GUCY1A2: variants seen among roughly 807,000 people sequenced by gnomAD.
GUCY1A2 encodes the protein guanylate cyclase soluble subunit alpha-2.
A neutral mutation model predicts 63.5 loss-of-function variants in GUCY1A2; 27 were observed. The observed-to-expected ratio is 0.43, with a 90% confidence interval of 0.31 to 0.59. GUCY1A2 has a LOEUF of 0.59. Ranked by LOEUF, GUCY1A2 falls within the 20% of genes least tolerant of loss-of-function variation. GUCY1A2 has a pLI of 0.11. For missense variants in GUCY1A2, 768 were observed against 913.3 expected, an observed-to-expected ratio of 0.84 and a Z score of 2.05; for synonymous variants, 364 against 343.5, an observed-to-expected ratio of 1.06 and a Z score of -0.66.
intron 6 of GUCY1A2, among the ~76,000 whole-genome samples, chr11:106,755,978 G>A (rs1190862450): frequency 1.3e-5 from 2 of 152,192 alleles, no homozygotes; most frequent in South Asian, 2.1e-4. Flanking sequence ...ATGTGTGGGA[G>A]TCTAAGTCTC....
rs955496404 is a variant in GUCY1A2, at chr11:106,827,688, T to A, written c.1207-17210A>T. 22 of 1,549,368 alleles carry A rather than the reference T, an allele frequency of 1.4e-5. No homozygotes were observed. The Admixed American group carries it at 1.5e-4, about 11-fold the overall frequency. On this transcript the variant is annotated intron_variant, in intron 4 of 7. Coordinates refer to ENST00000526355, the MANE Select transcript of GUCY1A2 (RefSeq NM_000855.3). ...GCGTTTTTCTAACATGGTACTTGAT[T>A]GTTCTTCAACATCAAATTCTTCCAA...
intron 4 of GUCY1A2, among the ~76,000 whole-genome samples, chr11:106,865,535 G>A (rs919539866): frequency 6.6e-6 from 1 of 151,906 alleles, no homozygotes; most frequent in African/African-American, 2.4e-5. Flanking sequence ...TCGCTCTCAG[G>A]AAACTAACAC....
At chr11:107,014,056 C>G (rs934278949) in intron 1 of GUCY1A2, among the ~76,000 whole-genome samples, 1 of 129,618 alleles carries the variant, frequency 7.7e-6, no homozygotes, top group African/African-American at 2.8e-5. Flanking sequence ...AGTTTTAAAA[C>G]TTATAATATA....
chr11:106,932,391 T>TA (rs1436734073), intron 4 of GUCY1A2, among the ~76,000 whole-genome samples: 6 of 151,916 alleles, frequency 3.9e-5, no homozygotes, highest in South Asian at 2.1e-4. Context: ...GTGGTTCATT[T>TA]AAAAAAAATA....
At chr11:106,889,590 G>T (rs1253345335) in intron 4 of GUCY1A2, among the ~76,000 whole-genome samples, 2 of 152,230 alleles carry the variant, frequency 1.3e-5, no homozygotes, top group African/African-American at 2.4e-5. Flanking sequence ...GATAAAAAAT[G>T]ATTTTATTTT....
chr11:106,701,301 T>TAGAG (rs903378867), intron 7 of GUCY1A2, among the ~76,000 whole-genome samples: 1 of 152,070 alleles, frequency 6.6e-6, no homozygotes, highest in Non-Finnish European at 1.5e-5. Flanking sequence ...ATTTCAGAGC[T>TAGAG]AGAGACAGAG....
intron 6 of GUCY1A2, among the ~76,000 whole-genome samples, chr11:106,771,567 G>C (rs1007833170): frequency 6.6e-6 from 1 of 152,088 alleles, no homozygotes; most frequent in African/African-American, 2.4e-5. Flanking sequence ...GGGCAACATA[G>C]AGAGACCCCC....
At chr11:106,758,796 G>A (rs1448455947) in intron 6 of GUCY1A2, among the ~76,000 whole-genome samples, 1 of 152,204 alleles carries the variant, frequency 6.6e-6, no homozygotes, top group Non-Finnish European at 1.5e-5. Context: ...CATAGTTAGA[G>A]AGGGAAGCTT....
chr11:107,016,771 A>G (rs1179285411), intron 1 of GUCY1A2, among the ~76,000 whole-genome samples: 1 of 152,168 alleles, frequency 6.6e-6, no homozygotes, highest in African/African-American at 2.4e-5. Context: ...CATTGAGGAG[A>G]GAGTAAAGGA....
intron 6 of GUCY1A2, among the ~76,000 whole-genome samples, chr11:106,730,438 A>G (rs1487760244): frequency 6.6e-6 from 1 of 152,004 alleles, no homozygotes. Flanking sequence ...GCTTCAAAGA[A>G]CAAGCTCTCA....
chr11:106,992,554 TCTC>T (rs1207924213), intron 1 of GUCY1A2, among the ~76,000 whole-genome samples: 2 of 151,968 alleles, frequency 1.3e-5, no homozygotes, highest in African/African-American at 4.8e-5. Flanking sequence ...ATGGTCTCGA[TCTC>T]CTGACCTCGT....
chr11:106,866,929 T>C (rs553896680), intron 4 of GUCY1A2, among the ~76,000 whole-genome samples: 4 of 152,160 alleles, frequency 2.6e-5, no homozygotes, highest in South Asian at 2.1e-4. Flanking sequence ...TTTTAAAAGA[T>C]AGCACAGGTC....
chr11:106,739,807 A>C (rs1337775512), intron 6 of GUCY1A2, among the ~76,000 whole-genome samples: 2 of 152,088 alleles, frequency 1.3e-5, no homozygotes, highest in African/African-American at 4.8e-5. Context: ...GAGACATACT[A>C]TTGGGAAGTG....
At chr11:106,706,785 G>A (rs1270858699) in intron 7 of GUCY1A2, among the ~76,000 whole-genome samples, 1 of 151,826 alleles carries the variant, frequency 6.6e-6, no homozygotes, top group Non-Finnish European at 1.5e-5. Flanking sequence ...TATGAGTGAG[G>A]TAGCTGATCT....
intron 7 of GUCY1A2, among the ~76,000 whole-genome samples, chr11:106,688,262 C>G (rs1377817389): frequency 6.6e-6 from 1 of 152,168 alleles, no homozygotes; most frequent in Non-Finnish European, 1.5e-5. Flanking sequence ...CACTTCGTGA[C>G]TCCCAATGTC....
chr11:106,862,887 T>C (rs913523884), intron 4 of GUCY1A2, among the ~76,000 whole-genome samples: 2 of 152,084 alleles, frequency 1.3e-5, no homozygotes, highest in East Asian at 1.9e-4. Context: ...CTCTCTTTCA[T>C]TGAGATACCT....
At position 106,678,084 on chromosome 11, in the gene GUCY1A2, A is replaced by G. The variant is rs187853779; in HGVS notation, c.*9465T>C. The G allele has an allele frequency of 1.8e-4, 37 of 200,888 alleles. No homozygotes were observed. Among genetic ancestry groups the G allele is most frequent in the African/African-American group, 6.9e-4 (30 of 43,682 alleles). The allele number at this position is 200,888 out of a possible 1,614,324, so 12.4% of individuals were successfully genotyped here. On this transcript the variant is annotated 3_prime_UTR_variant, in exon 8 of 8. Coordinates refer to ENST00000526355, the MANE Select transcript of GUCY1A2 (RefSeq NM_000855.3). Reference sequence around the variant, plus strand: ...ATAGTAATTTGGGCTGCCATCCATTAATAATAATTTTTACACAGGAACAAA... The same window carrying G: ...ATAGTAATTTGGGCTGCCATCCATTGATAATAATTTTTACACAGGAACAAA...
rs1357379428 is a variant in GUCY1A2 at position 106,684,038 on chromosome 11, G to A, written c.*3511C>T. On this transcript the variant is annotated 3_prime_UTR_variant, in exon 8 of 8. Transcript: ENST00000526355. ...TAAAAGTCTTGCTCCCCTTGTGAAT[G>A]AGATTTTGTTTAAGTTGTTATTATC... The A allele has an allele frequency of 5.2e-6, 1 of 191,120 alleles. No homozygotes were observed. Among genetic ancestry groups the A allele is most frequent in the Admixed American group, 6.2e-5 (1 of 16,228 alleles). The allele number at this position is 191,120 out of a possible 1,614,324, so 11.8% of individuals were successfully genotyped here.
chr11:106,940,507 C>T (rs1860738894), intron 3 of GUCY1A2, among the ~76,000 whole-genome samples: 1 of 152,176 alleles, frequency 6.6e-6, no homozygotes, highest in South Asian at 2.1e-4. Context: ...TGCCCCGACA[C>T]ATGCACAGCC....
Sources: allele counts gnomAD v4.1 joint callset (sites outside exome capture counted in the v4.1 genomes callset), GRCh38; gene constraint gnomAD v4.1.1; transcripts MANE v1.5; gene names NCBI Gene and HGNC (gene_info 2026-07-23, HGNC 2026-07-21).